SHF: variants seen among roughly 807,000 people sequenced by gnomAD.
The protein encoded by SHF is Src homology 2 domain containing F, also known as SH2 domain-containing adapter protein F.
SHF carries 30 observed loss-of-function variants against 42.4 expected under a neutral mutation model. The ratio of observed to expected loss-of-function variants is 0.71; its 90% CI spans 0.53 to 0.96. SHF has a LOEUF of 0.96. Ranked by LOEUF, SHF falls within the 40% of genes least tolerant of loss-of-function variation. SHF has a pLI of 0.00. For missense variants in SHF, 598 were observed against 634.0 expected, an observed-to-expected ratio of 0.94 and a Z score of 0.61; for synonymous variants, 264 against 269.9, an observed-to-expected ratio of 0.98 and a Z score of 0.21.
In SHF at chr15:45,187,838, G is replaced by T. The variant is rs570119413; in HGVS notation, c.114C>A (p.Gly38=). ...CTCCGCCGCTGCCGCCCCCTCCTGGGCCGGCTCCCGCACCCCCGGCGCCCC... is the reference window on the plus strand; with the variant it reads ...CTCCGCCGCTGCCGCCCCCTCCTGGTCCGGCTCCCGCACCCCCGGCGCCCC... The part of the protein sequence containing the change: ...SRRGAGGAGA[G]PGGGGSGGVA... The change falls in exon 1 of 7, where the codon GGC becomes GGA. Residue 38 remains glycine, a synonymous_variant. Coordinates refer to ENST00000690270, the MANE Select transcript of SHF (RefSeq NM_001394037.1). The T allele has an allele frequency of 6.7e-3, 6,699 of 998,360 alleles. 30 individuals are homozygous for T. Among genetic ancestry groups the T allele is most frequent in the Admixed American group, 0.012 (264 of 22,136 alleles). The allele number at this position is 998,360 out of a possible 1,614,324, so 61.8% of individuals were successfully genotyped here.
At chr15:45,192,346 TTCTG>T, upstream of SHF, among the ~76,000 whole-genome samples, 1 of 151,000 alleles carries the variant, frequency 6.6e-6, no homozygotes, top group Non-Finnish European at 1.5e-5. Context: ...TTTTTTTTTT[TTCTG>T]ATTCCAGATT....
chr15:45,187,468 CG>C lies in SHF; in HGVS notation c.483del (p.Ala162ProfsTer6), dbSNP rs1384575384. Reference protein sequence around the residue: ...PPADERISGPPASSDRLAILE... With the variant: ...PPADERISGPXASSDRLAILE... ...GCGGCACTCACCCTATCGCTGCTGG[CG>C]GGGGGTCCGGAGATCCGCTCATCAG... On this transcript the variant is annotated frameshift_variant, in exon 1 of 7. Transcript: ENST00000690270. LOFTEE classifies it high-confidence loss of function. 3.2e-6 allele frequency: 4 copies of C among 1,232,318 alleles called. No homozygotes were observed. The highest frequency in any genetic ancestry group is 2.6e-4 in the Middle Eastern group (1 of 3,872). 76.3% of individuals were successfully genotyped at this position (1,232,318 alleles called of 1,614,324 possible).
At chr15:45,195,929 A>G (rs1898848661) in intron 2 of SHF, among the ~76,000 whole-genome samples, 2 of 152,036 alleles carry the variant, frequency 1.3e-5, no homozygotes, top group Non-Finnish European at 2.9e-5. Context: ...TCACATATGC[A>G]CTTTGTTTGT....
At chr15:45,175,887 C>T (rs915647313) in intron 2 of SHF, among the ~76,000 whole-genome samples, 32 of 149,718 alleles carry the variant, frequency 2.1e-4, no homozygotes, top group African/African-American at 6.4e-4. Flanking sequence ...GGCACGATCT[C>T]GGCTCACTAC....
At chr15:45,189,482 G>A (rs571928841), upstream of SHF, among the ~76,000 whole-genome samples, 5 of 149,250 alleles carry the variant, frequency 3.4e-5, no homozygotes, top group African/African-American at 1.0e-4. Flanking sequence ...TCCACCTCCC[G>A]GGTTCAAGCA....
At chr15:45,175,831 T>C (rs1897776635) in intron 2 of SHF, among the ~76,000 whole-genome samples, 2 of 150,950 alleles carry the variant, frequency 1.3e-5, no homozygotes, top group African/African-American at 2.4e-5. Flanking sequence ...TTTTTTTTTT[T>C]TTTTTGAGAC....
At chr15:45,186,595 C>T (rs1898417776) in intron 1 of SHF, among the ~76,000 whole-genome samples, 1 of 152,226 alleles carries the variant, frequency 6.6e-6, no homozygotes, top group Non-Finnish European at 1.5e-5. Context: ...GGCCCTGAGG[C>T]ATGGTGGATT....
chr15:45,194,823 T>A (rs1056603212), intron 2 of SHF, among the ~76,000 whole-genome samples: 2 of 152,206 alleles, frequency 1.3e-5, no homozygotes, highest in African/African-American at 4.8e-5. Flanking sequence ...ATTGACTTTT[T>A]ACTTTGTAAT....
At chr15:45,192,144 A>G (rs58629545), upstream of SHF, among the ~76,000 whole-genome samples, 6,379 of 152,094 alleles carry the variant, frequency 0.042, 457 homozygotes, top group African/African-American at 0.14. Flanking sequence ...CTACAAGATC[A>G]TTATCACATT....
exon 1 of SHF, chr15:45,200,753 G>GGT (rs1567044452): frequency 2.2e-6 from 1 of 456,266 alleles, no homozygotes; most frequent in Non-Finnish European, 4.4e-6. Context: ...GTTGTATGGT[G>GGT]GTGGGTCAGA....
intron 1 of SHF, among the ~76,000 whole-genome samples, chr15:45,181,838 A>T (rs1306381463): frequency 2.6e-5 from 4 of 152,236 alleles, no homozygotes; most frequent in African/African-American, 9.6e-5. Context: ...AAGACTTTCA[A>T]AACTTAAAAA....
chr15:45,199,209 C>T lies in SHF; in HGVS notation c.-46-89G>A, dbSNP rs542919799. The T allele has an allele frequency of 3.1e-6, 3 of 979,878 alleles. No individual in the cohort carries two copies. The East Asian group carries it at 8.0e-5, about 26-fold the overall frequency. 60.7% of individuals were successfully genotyped at this position (979,878 alleles called of 1,614,324 possible). On this transcript the variant is annotated intron_variant, in intron 1 of 7. Transcript: ENST00000290894. ...ACTTCCTTCCAGCCTCTCATACTCC[C>T]CTGACAGCCCTGACTCCTCCTGACT...
chr15:45,187,013 G>A (rs1251697923), intron 1 of SHF, among the ~76,000 whole-genome samples: 1 of 152,268 alleles, frequency 6.6e-6, no homozygotes, highest in African/African-American at 2.4e-5. Context: ...CAACAGGAGG[G>A]AAGAGCTTTG....
At chr15:45,173,829 G>GAGGGGCAGAGGC (rs1171689025) in intron 3 of SHF, 113 bp from the exon 4 acceptor site, 2 of 1,249,332 alleles carry the variant, frequency 1.6e-6, no homozygotes, top group African/African-American at 1.5e-5. Flanking sequence ...TAGAAATGAG[G>GAGGGGCAGAGGC]AGGGGCAGAG....
upstream of SHF, among the ~76,000 whole-genome samples, chr15:45,190,687 T>A (rs545835888): frequency 6.6e-6 from 1 of 151,754 alleles, no homozygotes; most frequent in Non-Finnish European, 1.5e-5. Context: ...GAGTGAAAGG[T>A]CATTCCAAGA....
chr15:45,187,989 G>T, upstream of SHF: 7 of 989,000 alleles, frequency 7.1e-6, no homozygotes, highest in Non-Finnish European at 8.9e-6. Flanking sequence ...CGCAGCGGCG[G>T]GTGGGGGGCG....
chr15:45,189,883 C>T (rs762894939), upstream of SHF, among the ~76,000 whole-genome samples: 4 of 152,028 alleles, frequency 2.6e-5, no homozygotes, highest in African/African-American at 4.8e-5. Flanking sequence ...GCTTGTAGTC[C>T]CAGGTACCTG....
At chr15:45,198,220 A>C (rs1898930269) in intron 2 of SHF, among the ~76,000 whole-genome samples, 1 of 152,036 alleles carries the variant, frequency 6.6e-6, no homozygotes, top group African/African-American at 2.4e-5. Context: ...GCTGCAGTGA[A>C]CCAAGATCGC....
intron 2 of SHF, among the ~76,000 whole-genome samples, chr15:45,198,026 A>G (rs1254880261): frequency 6.6e-6 from 1 of 152,186 alleles, no homozygotes; most frequent in Non-Finnish European, 1.5e-5. Flanking sequence ...ACTTTTTACT[A>G]GACTTTTGTG....
Sources: gnomAD v4.1 joint callset for allele counts (sites outside exome capture counted in the v4.1 genomes callset) on GRCh38, gnomAD v4.1.1 for gene constraint, MANE v1.5 for transcripts, NCBI Gene and HGNC (gene_info 2026-07-23, HGNC 2026-07-21) for gene names.